Variants in KIF26B observed in about 807,000 individuals in gnomAD.
The protein encoded by KIF26B is kinesin-like protein KIF26B.
A neutral mutation model predicts 151.2 loss-of-function variants in KIF26B; 63 were observed. That is an observed-to-expected ratio of 0.42 (90% CI 0.34 to 0.51). The LOEUF is 0.51. Among genes scored for constraint, KIF26B ranks in the 20% least tolerant of loss-of-function variants. The pLI, the probability that KIF26B is intolerant of heterozygous loss-of-function variation, is 0.07. For synonymous variants in KIF26B, 1,357 were observed against 1,262.1 expected (o/e 1.08, Z -1.59); for missense variants, 2,813 against 2,913.6 (o/e 0.97, Z 0.79).
intron 2 of KIF26B, among the ~76,000 whole-genome samples, chr1:245,235,745 A>C (rs1670093504): frequency 6.6e-6 from 1 of 152,114 alleles, no homozygotes; most frequent in African/African-American, 2.4e-5. Context: ...ACTGGAGTAA[A>C]GTCTGAAGCT....
Position 245,390,954 on chromosome 1 carries a change from C to T in KIF26B, c.999+23587C>T, listed in dbSNP as rs888232176. Among the ~76,000 whole-genome samples, 4 of 29,670 alleles carry T rather than the reference C, an allele frequency of 1.3e-4. 1 individual carries two copies. The highest frequency in any genetic ancestry group is 3.2e-4 in the Non-Finnish European group (4 of 12,456). The allele number at this position is 29,670 out of a possible 152,430, so 19.5% of individuals were successfully genotyped here. A position where few individuals can be genotyped will look rare whatever the true frequency, so the allele number is the denominator to read the frequency against. ...AAAAAAAAAAAAAAAAAAAAAAAACCACCATAAAATTTTGAGCTTTCAATT... is the reference window on the plus strand; with the variant it reads ...AAAAAAAAAAAAAAAAAAAAAAAACTACCATAAAATTTTGAGCTTTCAATT... On this transcript the variant is annotated intron_variant, in intron 3 of 14. Coordinates refer to ENST00000407071, the MANE Select transcript of KIF26B (RefSeq NM_018012.4).
chr1:245,355,152 T>C (rs951684671), intron 2 of KIF26B, among the ~76,000 whole-genome samples: 4 of 152,098 alleles, frequency 2.6e-5, no homozygotes, highest in Admixed American at 6.6e-5. Context: ...CTCGAACTCC[T>C]GACCTCAGGT....
intron 5 of KIF26B, among the ~76,000 whole-genome samples, chr1:245,571,987 G>A (rs1415329817): frequency 3.3e-5 from 5 of 152,184 alleles, no homozygotes; most frequent in East Asian, 1.9e-4. Flanking sequence ...CAAGATGAGC[G>A]TGCTGCTGGC....
intron 3 of KIF26B, among the ~76,000 whole-genome samples, chr1:245,405,249 G>A (rs1210306831): frequency 1.3e-5 from 2 of 152,214 alleles, no homozygotes; most frequent in African/African-American, 4.8e-5. Flanking sequence ...TCAGCCTCAT[G>A]GAGTAAGGGA....
At chr1:245,595,923 C>T (rs1304286084) in intron 5 of KIF26B, among the ~76,000 whole-genome samples, 1 of 152,148 alleles carries the variant, frequency 6.6e-6, no homozygotes, top group African/African-American at 2.4e-5. Context: ...TTATCCATTT[C>T]TTCTAGATTT....
chr1:245,229,241 G>A (rs975572346), intron 2 of KIF26B, among the ~76,000 whole-genome samples: 17 of 151,876 alleles, frequency 1.1e-4, no homozygotes, highest in African/African-American at 4.1e-4. Context: ...CAAAGTGCTG[G>A]GATTACAAGC....
At position 245,373,930 on chromosome 1, in the gene KIF26B, T is replaced by C. The variant is rs1572029981; in HGVS notation, c.999+6563T>C. 2.0e-5 allele frequency among the ~76,000 whole-genome samples: 3 copies of C among 149,932 alleles called. No homozygotes were observed. The Middle Eastern group carries it at 0.01, about 513-fold the overall frequency. On this transcript the variant is annotated intron_variant, in intron 3 of 14. Coordinates refer to ENST00000407071, the MANE Select transcript of KIF26B (RefSeq NM_018012.4). ...AAAAAATCAGCCAGGCGTGGTGGCA[T>C]GCCTGTAGTCCCAGCTACTCAGGAG...
chr1:245,300,477 C>G (rs1286668242), intron 2 of KIF26B, among the ~76,000 whole-genome samples: 2 of 152,088 alleles, frequency 1.3e-5, no homozygotes, highest in Non-Finnish European at 2.9e-5. Flanking sequence ...CCTCTTAAAA[C>G]ACAATCATCA....
chr1:245,533,117 T>A (rs1156317690), intron 4 of KIF26B, among the ~76,000 whole-genome samples: 1 of 152,218 alleles, frequency 6.6e-6, no homozygotes, highest in Non-Finnish European at 1.5e-5. Context: ...TAGGGGCTGC[T>A]GTGATCTGTC....
At chr1:245,630,611 T>A (rs2043771058) in intron 9 of KIF26B, among the ~76,000 whole-genome samples, 1 of 151,982 alleles carries the variant, frequency 6.6e-6, no homozygotes, top group African/African-American at 2.4e-5. Flanking sequence ...AGTGAGAGCA[T>A]TAGGACAAAT....
chr1:245,330,150 G>T (rs1290612618), intron 2 of KIF26B, among the ~76,000 whole-genome samples: 1 of 151,552 alleles, frequency 6.6e-6, no homozygotes, highest in Admixed American at 6.6e-5. Context: ...CCACTGTCTG[G>T]TCCCAAGGCT....
chr1:245,426,814 C>T (rs1257820218), intron 4 of KIF26B, among the ~76,000 whole-genome samples: 2 of 152,216 alleles, frequency 1.3e-5, no homozygotes, highest in African/African-American at 4.8e-5. Context: ...TGTGACCATA[C>T]GGAGAGCTGT....
rs986045213 is a variant in KIF26B at position 245,654,027 on chromosome 1, C to T, written c.2258+7747C>T. Among the ~76,000 whole-genome samples, 3 of 152,160 alleles carry T rather than the reference C, an allele frequency of 2.0e-5. 1 individual carries two copies. Among genetic ancestry groups the T allele is most frequent in the Middle Eastern group, 6.3e-3 (2 of 316 alleles). On this transcript the variant is annotated intron_variant, in intron 10 of 14. Transcript: ENST00000407071. Reference sequence around the variant, plus strand: ...GCAGTAAGCTATGATCGTATCACTGCACTCCAGCCTGGACAACAGAGCAAG... The same window carrying T: ...GCAGTAAGCTATGATCGTATCACTGTACTCCAGCCTGGACAACAGAGCAAG...
intron 10 of KIF26B, among the ~76,000 whole-genome samples, chr1:245,668,588 C>T (rs988949547): frequency 3.3e-5 from 5 of 152,184 alleles, no homozygotes; most frequent in African/African-American, 1.2e-4. Flanking sequence ...TAATTCCTTC[C>T]AATTACTATG....
intron 2 of KIF26B, among the ~76,000 whole-genome samples, chr1:245,273,941 C>T (rs1346877924): frequency 6.6e-6 from 1 of 152,114 alleles, no homozygotes; most frequent in Non-Finnish European, 1.5e-5. Context: ...TCTTTTGTCC[C>T]TCTCACTGTC....
intron 10 of KIF26B, among the ~76,000 whole-genome samples, chr1:245,671,005 T>A (rs991884627): frequency 3.3e-5 from 5 of 152,186 alleles, no homozygotes; most frequent in African/African-American, 1.2e-4. Flanking sequence ...TCCCAATACC[T>A]TTCCCAGCCT....
At chr1:245,490,874 A>G (rs1419624594) in intron 4 of KIF26B, among the ~76,000 whole-genome samples, 1 of 152,224 alleles carries the variant, frequency 6.6e-6, no homozygotes, top group Admixed American at 6.5e-5. Context: ...CAAGAATCCC[A>G]GGTGTTTTGT....
At chr1:245,310,800 G>A (rs1671652541) in intron 2 of KIF26B, among the ~76,000 whole-genome samples, 1 of 152,188 alleles carries the variant, frequency 6.6e-6, no homozygotes, top group Middle Eastern at 3.2e-3. Context: ...GCTGTGATGT[G>A]TGGGAAGCCC....
intron 2 of KIF26B, among the ~76,000 whole-genome samples, chr1:245,333,878 A>G (rs1034470893): frequency 2.0e-5 from 3 of 152,050 alleles, no homozygotes; most frequent in African/African-American, 4.8e-5. Flanking sequence ...GGCGCCTGTA[A>G]TGCCAGCTAC....
Sources: gnomAD v4.1 joint callset for allele counts (sites outside exome capture counted in the v4.1 genomes callset) on GRCh38, gnomAD v4.1.1 for gene constraint, MANE v1.5 for transcripts, NCBI Gene and HGNC (gene_info 2026-07-23, HGNC 2026-07-21) for gene names.